SPATC1L: variants seen among roughly 807,000 people sequenced by gnomAD.
SPATC1L encodes the protein spermatogenesis and centriole associated 1 like.
In SPATC1L, 20 loss-of-function variants were observed where a neutral mutation model predicts 21.2. That is an observed-to-expected ratio of 0.94 (90% CI 0.66 to 1.37). SPATC1L has a LOEUF of 1.37. Ranked by LOEUF, SPATC1L falls within the 40% of genes most tolerant of loss-of-function variation. The pLI is 0.00. For missense variants in SPATC1L, 499 were observed against 478.7 expected, an observed-to-expected ratio of 1.04 and a Z score of -0.40; for synonymous variants, 290 against 234.5, an observed-to-expected ratio of 1.24 and a Z score of -2.16.
intron 3 of SPATC1L, among the ~76,000 whole-genome samples, chr21:46,167,698 T>C (rs1465330900): frequency 6.6e-6 from 1 of 152,144 alleles, no homozygotes; most frequent in Non-Finnish European, 1.5e-5. Flanking sequence ...CCTGGTGGCA[T>C]ACACCTGTAG....
At chr21:46,165,178 G>T (rs765437138) in intron 3 of SPATC1L, among the ~76,000 whole-genome samples, 1 of 152,114 alleles carries the variant, frequency 6.6e-6, no homozygotes, top group Non-Finnish European at 1.5e-5. Context: ...AACTACCAAA[G>T]TTCACTCAAG....
intron 2 of SPATC1L, among the ~76,000 whole-genome samples, chr21:46,172,284 G>A (rs568328634): frequency 2.0e-5 from 3 of 151,856 alleles, no homozygotes; most frequent in African/African-American, 7.2e-5. Flanking sequence ...AGGCAGGGGT[G>A]TGTGCAGAGC....
In SPATC1L at chr21:46,162,590, C is replaced by CTTTTTTTTTTTTTTTTTT. The variant is rs3057184; in HGVS notation, c.545-524_545-523insAAAAAAAAAAAAAAAAAA. Among the ~76,000 whole-genome samples the CTTTTTTTTTTTTTTTTTT allele has an allele frequency of 3.7e-5, 5 of 133,394 alleles. 1 individual carries two copies. The highest frequency in any genetic ancestry group is 7.7e-5 in the Non-Finnish European group (5 of 64,956). 87.5% of individuals were successfully genotyped at this position (133,394 alleles called of 152,430 possible). Reference sequence around the variant, plus strand: ...GAAAAGGACCGCTGGGTTGGCAGGACTTTTTTTTTTTTCTTAGACAGAGTC... The same window carrying CTTTTTTTTTTTTTTTTTT: ...GAAAAGGACCGCTGGGTTGGCAGGACTTTTTTTTTTTTTTTTTTTTTTTTTTTTTTCTTAGACAGAGTC... On this transcript the variant is annotated intron_variant, in intron 3 of 4. Coordinates refer to ENST00000291672, the MANE Select transcript of SPATC1L (RefSeq NM_001142854.2).
At chr21:46,174,344 C>CAAAAAAAA (rs200980627) in intron 2 of SPATC1L, among the ~76,000 whole-genome samples, 1 of 68,832 alleles carries the variant, frequency 1.5e-5, no homozygotes. Context: ...AAAAACAAAA[C>CAAAAAAAA]AAAAAAAAAA....
intron 2 of SPATC1L, among the ~76,000 whole-genome samples, chr21:46,179,428 C>A (rs1017882396): frequency 6.6e-6 from 1 of 152,070 alleles, no homozygotes; most frequent in African/African-American, 2.4e-5. Context: ...ATGGAAATAA[C>A]CTTAAATATA....
chr21:46,182,034 G>A (rs1229673226), intron 2 of SPATC1L, among the ~76,000 whole-genome samples: 1 of 152,190 alleles, frequency 6.6e-6, no homozygotes, highest in Non-Finnish European at 1.5e-5. Flanking sequence ...ATGCTATGTG[G>A]TGAGTGGATC....
Position 46,161,509 on chromosome 21 carries a change from C to T in SPATC1L, c.893G>A (p.Ser298Asn), listed in dbSNP as rs14378. Residue 298 changes from serine to asparagine, a missense_variant, in exon 5 of 5, where the codon AGC (serine) becomes AAC (asparagine). Physicochemically the swap from Ser to Asn is conservative, Grantham distance 46. Transcript: ENST00000291672. ...CAGCTTGCGCAGCGCGGCCGGGCTG[C>T]TGTGCAGGGGGTTGGCGCGCAGGTC... ...RPDLRANPLH[S>N]SPAALRKLVI... The T allele has an allele frequency of 0.093, 148,907 of 1,607,716 alleles. 7,828 individuals are homozygous for T. Among genetic ancestry groups the T allele is most frequent in the African/African-American group, 0.14 (10,633 of 74,870 alleles).
intron 2 of SPATC1L, among the ~76,000 whole-genome samples, chr21:46,171,502 A>C (rs940844315): frequency 1.3e-5 from 2 of 151,934 alleles, no homozygotes; most frequent in Non-Finnish European, 2.9e-5. Flanking sequence ...AAGGAAAAAA[A>C]GTTCGAAAGA....
chr21:46,181,773 C>T (rs73144733), intron 2 of SPATC1L, among the ~76,000 whole-genome samples: 13,132 of 152,196 alleles, frequency 0.086, 677 homozygotes, highest in African/African-American at 0.13. Context: ...ACGTCCTTTC[C>T]GGGCCCGGCC....
At position 46,162,104 on chromosome 21, in the gene SPATC1L, C is replaced by T; in HGVS notation, c.545-37G>A. 3 of 1,524,876 alleles carry T rather than the reference C, an allele frequency of 2.0e-6. No homozygotes were observed. In the South Asian group the frequency reaches 3.6e-5, roughly 18 times the overall value. 94.5% of individuals were successfully genotyped at this position (1,524,876 alleles called of 1,614,324 possible). ...AAGGCCGGGGACAAGGTCAGGGGAGCGCGAGGATCCACTGCCCTCGAGGGT... is the reference window on the plus strand; with the variant it reads ...AAGGCCGGGGACAAGGTCAGGGGAGTGCGAGGATCCACTGCCCTCGAGGGT... On this transcript the variant is annotated intron_variant, in intron 3 of 4. Coordinates refer to ENST00000291672, the MANE Select transcript of SPATC1L (RefSeq NM_001142854.2).
At chr21:46,164,007 T>C (rs1775655875) in intron 3 of SPATC1L, among the ~76,000 whole-genome samples, 1 of 151,980 alleles carries the variant, frequency 6.6e-6, no homozygotes, top group Admixed American at 6.6e-5. Context: ...TATTTATTGT[T>C]TGTTTGTTTG....
intron 3 of SPATC1L, among the ~76,000 whole-genome samples, chr21:46,167,080 C>A (rs984129305): frequency 1.3e-5 from 2 of 152,088 alleles, no homozygotes; most frequent in East Asian, 3.8e-4. Flanking sequence ...GTATCTTCTC[C>A]GACCATAATG....
chr21:46,170,364 TC>T (rs371790088), intron 2 of SPATC1L, among the ~76,000 whole-genome samples: 12 of 41,014 alleles, frequency 2.9e-4, no homozygotes, highest in African/African-American at 9.0e-4. Context: ...GGGAGGAGCC[TC>T]CTGCTCTGTG....
Position 46,168,597 on chromosome 21 carries a change from G to A in SPATC1L, c.255C>T (p.Ser85=), listed in dbSNP as rs2079558929. Residue 85 remains serine (S), a synonymous_variant, in exon 3 of 5, where the codon TCC becomes TCT. Transcript: ENST00000291672. ...CATGTGAGCACAGCAGGTCCTCCAG[G>A]GAGGATGTCTGCAGTTGGGAGGGCG... ...ADTPSQLQTS[S]LEDLLCSHAP... The A allele has an allele frequency of 2.8e-6, 4 of 1,424,954 alleles. No homozygotes were observed. Among genetic ancestry groups the A allele is most frequent in the Non-Finnish European group, 3.7e-6 (4 of 1,074,262 alleles). The allele number at this position is 1,424,954 out of a possible 1,614,324, so 88.3% of individuals were successfully genotyped here.
chr21:46,181,614 C>T (rs1477236511), intron 2 of SPATC1L, among the ~76,000 whole-genome samples: 2 of 152,202 alleles, frequency 1.3e-5, no homozygotes, highest in East Asian at 3.9e-4. Flanking sequence ...CAGGAAGCAA[C>T]CTCCCCCACC....
intron 2 of SPATC1L, among the ~76,000 whole-genome samples, chr21:46,170,910 G>T (rs1442075690): frequency 1.3e-5 from 2 of 150,092 alleles, no homozygotes; most frequent in African/African-American, 5.0e-5. Flanking sequence ...GGATGGGGAG[G>T]AGCCTCCTGC....
intron 2 of SPATC1L, among the ~76,000 whole-genome samples, chr21:46,169,145 A>G (rs1273245855): frequency 6.6e-6 from 1 of 152,258 alleles, no homozygotes; most frequent in Non-Finnish European, 1.5e-5. Flanking sequence ...ACAGACACAC[A>G]CACTGAATTT....
intron 2 of SPATC1L, among the ~76,000 whole-genome samples, chr21:46,177,618 C>A (rs959144867): frequency 6.6e-6 from 1 of 152,124 alleles, no homozygotes; most frequent in African/African-American, 2.4e-5. Flanking sequence ...ATGCTGGCAA[C>A]GTTGCAGAGA....
chr21:46,178,771 C>T (rs1359768877), intron 2 of SPATC1L, among the ~76,000 whole-genome samples: 1 of 152,066 alleles, frequency 6.6e-6, no homozygotes, highest in African/African-American at 2.4e-5. Flanking sequence ...CCTTTAATTC[C>T]AGCTACTGGG....
Sources: gnomAD v4.1 joint callset for allele counts (sites outside exome capture counted in the v4.1 genomes callset) on GRCh38, gnomAD v4.1.1 for gene constraint, MANE v1.5 for transcripts, NCBI Gene and HGNC (gene_info 2026-07-23, HGNC 2026-07-21) for gene names.